The following PPP1R16B variants were observed in gnomAD, a reference collection of about 807,000 sequenced individuals.
The protein encoded by PPP1R16B is protein phosphatase 1 regulatory subunit 16B.
PPP1R16B carries 14 observed loss-of-function variants against 61.7 expected under a neutral mutation model. That is an observed-to-expected ratio of 0.23 (90% CI 0.15 to 0.35). The LOEUF is 0.35. PPP1R16B is among the 10% of genes least tolerant of loss of function. The pLI, the probability that PPP1R16B is intolerant of heterozygous loss-of-function variation, is 1.00. For synonymous variants in PPP1R16B, 266 were observed against 305.3 expected, an observed-to-expected ratio of 0.87 and a Z score of 1.34; for missense variants, 547 against 752.5, an observed-to-expected ratio of 0.73 and a Z score of 3.19.
At position 38,858,067 on chromosome 20, in the gene PPP1R16B, G is replaced by C. The variant is rs1274076797; in HGVS notation, c.250+21892G>C. On this transcript the variant is annotated intron_variant, in intron 2 of 10. Transcript: ENST00000299824. ...CACCTCCTCACTGTTTCCTCACCTGGTGGTGGTTTGGGGGAAAGGAGACTC... is the reference window on the plus strand; with the variant it reads ...CACCTCCTCACTGTTTCCTCACCTGCTGGTGGTTTGGGGGAAAGGAGACTC... Among the ~76,000 whole-genome samples, 4 of 152,082 alleles carry C rather than the reference G, an allele frequency of 2.6e-5. 1 individual carries two copies. The highest frequency in any genetic ancestry group is 5.9e-5 in the Non-Finnish European group (4 of 68,026).
chr20:38,888,233 G>A (rs994968469), intron 2 of PPP1R16B, among the ~76,000 whole-genome samples: 9 of 152,250 alleles, frequency 5.9e-5, no homozygotes, highest in African/African-American at 1.9e-4. Flanking sequence ...TTGGCTGGGG[G>A]TGGGAGGAGG....
chr20:38,810,482 C>T (rs1160337051), intron 1 of PPP1R16B, among the ~76,000 whole-genome samples: 2 of 152,236 alleles, frequency 1.3e-5, no homozygotes, highest in African/African-American at 4.8e-5. Context: ...TCCATACATT[C>T]ACCATCCTTC....
At chr20:38,914,835 T>A (rs2085520562) in intron 10 of PPP1R16B, among the ~76,000 whole-genome samples, 1 of 152,096 alleles carries the variant, frequency 6.6e-6, no homozygotes, top group South Asian at 2.1e-4. Context: ...CCCAGCTAAT[T>A]TTTAAATATT....
chr20:38,840,916 TCAGAGCTACGTA>T (rs916618530), intron 2 of PPP1R16B, among the ~76,000 whole-genome samples: 5 of 152,242 alleles, frequency 3.3e-5, no homozygotes, highest in Non-Finnish European at 7.3e-5. Context: ...AGTGGTATGG[TCAGAGCTACGTA>T]AGTGGTATAA....
chr20:38,816,650 T>C (rs1187244563), intron 1 of PPP1R16B, among the ~76,000 whole-genome samples: 1 of 152,162 alleles, frequency 6.6e-6, no homozygotes, highest in African/African-American at 2.4e-5. Context: ...ACTTGAGACA[T>C]CTTAAAAGCA....
Position 38,918,329 on chromosome 20 carries a change from C to T in PPP1R16B, c.1367C>T (p.Ala456Val), listed in dbSNP as rs2085559252. ...CATGAGGTGCCTGACTACAGCATGG[C>T]CTATGGCAACCCTGGCGTGGCCGAC... ...KVHEVPDYSM[A>V]YGNPGVADAT... is the part of the protein sequence containing the mutation. Residue 456 changes from alanine to valine, a missense_variant, in exon 11 of 11, where the codon GCC becomes GTC. Transcript: ENST00000299824. The surrounding 1 kb of genome is among the most constrained non-coding windows in gnomAD (Gnocchi z 5.3). 1.9e-6 allele frequency: 3 copies of T among 1,614,106 alleles called. No homozygotes were observed. The Admixed American group carries it at 5.0e-5, about 27-fold the overall frequency.
intron 2 of PPP1R16B, chr20:38,873,024 CAG>C (rs1310942722): frequency 6.6e-6 from 1 of 152,310 alleles, no homozygotes; most frequent in Admixed American, 6.5e-5. Context: ...CTGCTGAGGA[CAG>C]GGGTTTCCAC....
At chr20:38,849,837 G>A (rs2084956829) in intron 2 of PPP1R16B, among the ~76,000 whole-genome samples, 1 of 152,128 alleles carries the variant, frequency 6.6e-6, no homozygotes, top group Non-Finnish European at 1.5e-5. Flanking sequence ...AAGTCTTCCT[G>A]GACACACGGT....
rs138967573 is a variant in PPP1R16B, at chr20:38,836,081, G to A, written c.156G>A (p.Glu52=). The change falls in exon 2 of 11, where the codon GAG becomes GAA. Residue 52 remains glutamate, a synonymous_variant. Transcript: ENST00000299824. ...QDLQHRKRKH[E]RKRSTGGRRK... is the part of the protein sequence containing the mutation. ...TGCAGCACCGCAAGCGAAAGCATGA[G>A]CGGAAGCGCAGCACGGGCGGCCGCC... 2.2e-5 allele frequency: 35 copies of A among 1,611,788 alleles called. No homozygotes were observed. Among genetic ancestry groups the A allele is most frequent in the Non-Finnish European group, 2.8e-5 (33 of 1,179,630 alleles).
At position 38,907,991 on chromosome 20, in the gene PPP1R16B, C is replaced by G; in HGVS notation, c.1029-37C>G. On this transcript the variant is annotated intron_variant, in intron 9 of 10. Coordinates refer to ENST00000299824, the MANE Select transcript of PPP1R16B (RefSeq NM_015568.4). This position sits in a 1 kb window ranked among gnomAD's most constrained non-coding sequence, Gnocchi z 4.5. ...CTGTGTGTGCTCCTGCCTGTGGTGC[C>G]TGGGTGCAGCCTCTAGGACCCACTT... is the stretch of plus-strand genomic sequence containing the variant. 6.2e-7 allele frequency: 1 copy of G among 1,613,926 alleles called. No individual in the cohort carries two copies. The highest frequency in any genetic ancestry group is 1.1e-5 in the South Asian group (1 of 91,064).
At chr20:38,835,458 A>T (rs998488639) in intron 1 of PPP1R16B, among the ~76,000 whole-genome samples, 7 of 152,268 alleles carry the variant, frequency 4.6e-5, no homozygotes, top group Admixed American at 6.5e-5. Flanking sequence ...AGAGAGGCAG[A>T]CAACCAAGCT....
At chr20:38,865,609 C>T (rs958251927) in intron 2 of PPP1R16B, among the ~76,000 whole-genome samples, 5 of 152,162 alleles carry the variant, frequency 3.3e-5, no homozygotes, top group East Asian at 1.9e-4. Context: ...TCTTTAGATG[C>T]GTCACCTGGT....
intron 1 of PPP1R16B, among the ~76,000 whole-genome samples, chr20:38,820,034 T>C (rs1461889951): frequency 1.3e-5 from 2 of 152,196 alleles, no homozygotes; most frequent in Non-Finnish European, 2.9e-5. Flanking sequence ...TCATATAGTA[T>C]GCATTTTTGT....
At chr20:38,870,008 C>T (rs2085116752) in intron 2 of PPP1R16B, among the ~76,000 whole-genome samples, 2 of 152,114 alleles carry the variant, frequency 1.3e-5, no homozygotes, top group Non-Finnish European at 2.9e-5. Context: ...ACTGCAACCT[C>T]CACCTCCTGG....
At chr20:38,887,380 G>T (rs1167394709) in intron 2 of PPP1R16B, among the ~76,000 whole-genome samples, 2 of 152,192 alleles carry the variant, frequency 1.3e-5, no homozygotes, top group Non-Finnish European at 2.9e-5. Flanking sequence ...ACCTAGAATT[G>T]TGCAAGCTAG....
At chr20:38,888,860 C>T (rs886899649) in intron 2 of PPP1R16B, among the ~76,000 whole-genome samples, 6 of 136,314 alleles carry the variant, frequency 4.4e-5, no homozygotes, top group Admixed American at 3.8e-4. Context: ...GCCTCCCTGC[C>T]CACCCAGAAT....
chr20:38,869,434 C>T (rs1223092717), intron 2 of PPP1R16B, among the ~76,000 whole-genome samples: 5 of 152,130 alleles, frequency 3.3e-5, no homozygotes, highest in East Asian at 3.9e-4. Flanking sequence ...GTTGGGATTA[C>T]AGGCGTGAGC....
At chr20:38,895,784 TCC>T (rs2085330398) in intron 4 of PPP1R16B, 74 bp downstream of exon 4, 3 of 1,435,370 alleles carry the variant, frequency 2.1e-6, no homozygotes, top group East Asian at 2.5e-5. Context: ...CTTTCTCTCC[TCC>T]CTCCCTCCTT....
At chr20:38,905,936 C>T in intron 6 of PPP1R16B, 33 bp from the exon 7 acceptor site, 2 of 1,604,420 alleles carry the variant, frequency 1.2e-6, no homozygotes, top group Non-Finnish European at 1.7e-6. Flanking sequence ...GGCTGATCCC[C>T]TGAGGAATGC....
Sources: allele counts gnomAD v4.1 joint callset (sites outside exome capture counted in the v4.1 genomes callset), GRCh38; gene constraint gnomAD v4.1.1; non-coding constraint Gnocchi (gnomAD v3.1); transcripts MANE v1.5; gene names NCBI Gene and HGNC (gene_info 2026-07-23, HGNC 2026-07-21).